The following KLHDC7B variants were observed in gnomAD, a reference collection of about 807,000 sequenced individuals.
The protein encoded by KLHDC7B is kelch domain containing 7B, also known as kelch domain-containing protein 7B.
A neutral mutation model predicts 0.6 loss-of-function variants in KLHDC7B; 1 was observed. The ratio of observed to expected loss-of-function variants is 1.71; its 90% confidence interval spans 0.61 to 8.11. The LOEUF is 8.11. KLHDC7B is among the 30% of genes most tolerant of loss of function. KLHDC7B has a pLI of 0.13. For missense variants in KLHDC7B, 993 were observed against 894.9 expected, an observed-to-expected ratio of 1.11 and a Z score of -1.40; for synonymous variants, 462 against 405.2, an observed-to-expected ratio of 1.14 and a Z score of -1.68.
Position 50,548,371 on chromosome 22 carries a change from G to A in KLHDC7B, c.2128G>A (p.Glu710Lys), listed in dbSNP as rs894538312. 6.4e-6 allele frequency: 10 copies of A among 1,551,584 alleles called. No individual in the cohort carries two copies. The highest frequency in any genetic ancestry group is 3.9e-5 in the Admixed American group (2 of 50,978). The change falls in exon 1 of 1, where the codon GAG (glutamate) becomes AAG (lysine). Residue 710 changes from glutamate (E) to lysine (K), a missense_variant. By Grantham distance (56) the Glu-to-Lys change is moderately conservative. Transcript: ENST00000648057. This position sits in a 1 kb window ranked among gnomAD's most constrained non-coding sequence, Gnocchi z 5.3. ...AGGTCAGCCACAGCCAAGAAGCTCC[G>A]AGACCAACGGATCGCCCAGCCCAGA... is the stretch of plus-strand genomic sequence containing the variant. ...AGGQPQPRSS[E>K]TNGSPSPDPP...
chr22:50,547,419 C>T lies in KLHDC7B; in HGVS notation c.1176C>T (p.Thr392=). 2.7e-6 allele frequency: 1 copy of T among 366,526 alleles called. No individual in the cohort carries two copies. Among genetic ancestry groups the T allele is most frequent in the Non-Finnish European group, 4.9e-6 (1 of 205,962 alleles). The allele number at this position is 366,526 out of a possible 1,614,324, so 22.7% of individuals were successfully genotyped here. ...GTCCTGCCGCTGACCTGGGGCCCAC[C>T]CGGCCCCCGGAGCAAGCAAAGCCGG... ...DNSPAADLGP[T]RPPEQAKPAA... is the part of the protein sequence containing the mutation. Residue 392 remains threonine (T), a synonymous_variant, in exon 1 of 1, where the codon ACC becomes ACT. Coordinates refer to ENST00000648057, the MANE Select transcript of KLHDC7B (RefSeq NM_138433.5).
chr22:50,546,382 G>T lies in KLHDC7B; in HGVS notation c.139G>T (p.Gly47Cys). Reference sequence around the variant, plus strand: ...CACAGCGCTGGCCTTACACTGGTTTGGCTCCGGGCACGATCAAGAGGCGGC... The same window carrying T: ...CACAGCGCTGGCCTTACACTGGTTTTGCTCCGGGCACGATCAAGAGGCGGC... ...AATALALHWFGSGHDQEAAEP... is the reference protein window; with the variant it reads ...AATALALHWFCSGHDQEAAEP... The change falls in exon 1 of 1, where the codon GGC becomes TGC. Residue 47 changes from glycine to cysteine, a missense_variant. Coordinates refer to ENST00000648057, the MANE Select transcript of KLHDC7B (RefSeq NM_138433.5). 2.5e-6 allele frequency: 1 copy of T among 399,314 alleles called. No individual in the cohort carries two copies. Among genetic ancestry groups the T allele is most frequent in the East Asian group, 3.6e-5 (1 of 28,058 alleles). The allele number at this position is 399,314 out of a possible 1,614,324, so 24.7% of individuals were successfully genotyped here.
Position 50,547,897 on chromosome 22 carries a change from A to G in KLHDC7B, c.1654A>G (p.Thr552Ala), listed in dbSNP as rs1345107184. 5 of 348,994 alleles carry G rather than the reference A, an allele frequency of 1.4e-5. No individual in the cohort carries two copies. Among genetic ancestry groups the G allele is most frequent in the Non-Finnish European group, 2.5e-5 (5 of 201,680 alleles). 21.6% of individuals were successfully genotyped at this position (348,994 alleles called of 1,614,324 possible). The change falls in exon 1 of 1, where the codon ACC becomes GCC. Residue 552 changes from threonine to alanine, a missense_variant. Transcript: ENST00000648057. ...ATCCCCAGCCCTAACCCCAGTCCCAACCCCAGCCCTAAGCCCAGCTCCAAC... is the reference window on the plus strand; with the variant it reads ...ATCCCCAGCCCTAACCCCAGTCCCAGCCCCAGCCCTAAGCCCAGCTCCAAC... ...PPSPALTPVP[T>A]PALSPAPTPA...
In KLHDC7B at chr22:50,548,968, C is replaced by G. The variant is rs754839751; in HGVS notation, c.2725C>G (p.Arg909Gly). ...CLYRRLSAAD[R>G]ERILSLRTGR... ...CTACCGCCGGCTGAGCGCGGCCGAC[C>G]GCGAGCGCATCCTCAGCCTGCGGAC... Residue 909 changes from arginine to glycine, a missense_variant, in exon 1 of 1, where the codon CGC (arginine) becomes GGC (glycine). Coordinates refer to ENST00000648057, the MANE Select transcript of KLHDC7B (RefSeq NM_138433.5). The surrounding 1 kb of genome is among the most constrained non-coding windows in gnomAD (Gnocchi z 5.3). 3 of 1,597,920 alleles carry G rather than the reference C, an allele frequency of 1.9e-6. No individual in the cohort carries two copies. Among genetic ancestry groups the G allele is most frequent in the South Asian group, 2.2e-5 (2 of 90,062 alleles).
In KLHDC7B at chr22:50,548,936, C is replaced by T. The variant is rs1258267197; in HGVS notation, c.2693C>T (p.Pro898Leu). Residue 898 changes from proline to leucine, a missense_variant, in exon 1 of 1, where the codon CCG becomes CTG. Transcript: ENST00000648057. The surrounding 1 kb of genome is among the most constrained non-coding windows in gnomAD (Gnocchi z 5.3). ...AACCTGCTGCGAGTGCTGGGAGACC[C>T]GTGCCTCTACCGCCGGCTGAGCGCG... ...SDNLLRVLGD[P>L]CLYRRLSAAD... The T allele has an allele frequency of 6.3e-7, 1 of 1,597,408 alleles. No homozygotes were observed. Among genetic ancestry groups the T allele is most frequent in the Non-Finnish European group, 8.5e-7 (1 of 1,173,518 alleles).
Position 50,550,073 on chromosome 22 carries a change from C to A in KLHDC7B, c.*122C>A. The A allele has an allele frequency of 9.5e-7, 1 of 1,050,134 alleles. No individual in the cohort carries two copies. The highest frequency in any genetic ancestry group is 1.3e-6 in the Non-Finnish European group (1 of 745,550). The allele number at this position is 1,050,134 out of a possible 1,614,324, so 65.1% of individuals were successfully genotyped here. A position where few individuals can be genotyped will look rare whatever the true frequency, so the allele number is the denominator to read the frequency against. On this transcript the variant is annotated 3_prime_UTR_variant, in exon 1 of 1. Transcript: ENST00000648057. ...GGAACTTCCTGCTCTTGTTTCTGGACAACTTTCCCCTTCTGCTTTAAAGGT... is the reference window on the plus strand; with the variant it reads ...GGAACTTCCTGCTCTTGTTTCTGGAAAACTTTCCCCTTCTGCTTTAAAGGT...
In KLHDC7B at chr22:50,548,204, G is replaced by A; in HGVS notation, c.1961G>A (p.Arg654Lys). ...AGCCACCCCTTCCCCAGGCAAGACA[G>A]GCCCCAAGGGAGTGTCCCGAGGGCG... Reference protein sequence around the residue: ...LRSHPFPRQDRPQGSVPRAVP... With the variant: ...LRSHPFPRQDKPQGSVPRAVP... Residue 654 changes from arginine to lysine, a missense_variant, in exon 1 of 1, where the codon AGG becomes AAG. Coordinates refer to ENST00000648057, the MANE Select transcript of KLHDC7B (RefSeq NM_138433.5). The surrounding 1 kb of genome is among the most constrained non-coding windows in gnomAD (Gnocchi z 5.3). The A allele has an allele frequency of 6.5e-7, 1 of 1,538,166 alleles. No individual in the cohort carries two copies. The highest frequency in any genetic ancestry group is 8.8e-7 in the Non-Finnish European group (1 of 1,137,736).
rs1293750226 is a variant in KLHDC7B at position 50,549,986 on chromosome 22, C to T, written c.*35C>T. Reference sequence around the variant, plus strand: ...AGAGAACCAAAGCTGCTTCGCTGCTCTCCAGGGAGACCCTCCTGGGATGGG... The same window carrying T: ...AGAGAACCAAAGCTGCTTCGCTGCTTTCCAGGGAGACCCTCCTGGGATGGG... On this transcript the variant is annotated 3_prime_UTR_variant, in exon 1 of 1. Coordinates refer to ENST00000648057, the MANE Select transcript of KLHDC7B (RefSeq NM_138433.5). The T allele has an allele frequency of 6.7e-7, 1 of 1,488,998 alleles. No individual in the cohort carries two copies. The highest frequency in any genetic ancestry group is 9.0e-7 in the Non-Finnish European group (1 of 1,110,964). 92.2% of individuals were successfully genotyped at this position (1,488,998 alleles called of 1,614,324 possible).
rs1217891245 is a variant in KLHDC7B, at chr22:50,548,145, C to T, written c.1902C>T (p.Ala634=). ...PRRYQEGQVS[A]SWGNLIAMVL... is the part of the protein sequence containing the mutation. ...GCTACCAGGAGGGGCAGGTCTCAGC[C>T]AGCTGGGGAAACCTTATTGCCATGG... Residue 634 remains alanine (A), a synonymous_variant, in exon 1 of 1, where the codon GCC becomes GCT. Transcript: ENST00000648057. This position sits in a 1 kb window ranked among gnomAD's most constrained non-coding sequence, Gnocchi z 5.3. 6.8e-7 allele frequency: 1 copy of T among 1,480,088 alleles called. No individual in the cohort carries two copies. The highest frequency in any genetic ancestry group is 9.0e-7 in the Non-Finnish European group (1 of 1,111,018). 91.7% of individuals were successfully genotyped at this position (1,480,088 alleles called of 1,614,324 possible). A position where few individuals can be genotyped will look rare whatever the true frequency, so the allele number is the denominator to read the frequency against.
chr22:50,548,309 T>C lies in KLHDC7B; in HGVS notation c.2066T>C (p.Val689Ala). 1 of 1,550,726 alleles carries C rather than the reference T, an allele frequency of 6.4e-7. No individual in the cohort carries two copies. Among genetic ancestry groups the C allele is most frequent in the Non-Finnish European group, 8.7e-7 (1 of 1,146,882 alleles). ...GGCCCCTCTTCTTCAGTGGGGACAG[T>C]CATAGGGACAGGTACAGGGGGCCTG... ...RHGPSSSVGT[V>A]IGTGTGGLVE... Residue 689 changes from valine to alanine, a missense_variant, in exon 1 of 1, where the codon GTC becomes GCC. Transcript: ENST00000648057. This position sits in a 1 kb window ranked among gnomAD's most constrained non-coding sequence, Gnocchi z 5.3.
In KLHDC7B at chr22:50,548,758, C is replaced by A; in HGVS notation, c.2515C>A (p.Pro839Thr). ...CGGGGGTTGGGGGGTGGTGGAGGGG[C>A]CCCGGAAGCCCAGCTCCCGGGCCCT... ...RPGGWGVVEG[P>T]RKPSSRALEP... is the part of the protein sequence containing the mutation. The change falls in exon 1 of 1, where the codon CCC (proline) becomes ACC (threonine). Residue 839 changes from proline (P) to threonine (T), a missense_variant. Coordinates refer to ENST00000648057, the MANE Select transcript of KLHDC7B (RefSeq NM_138433.5). This position sits in a 1 kb window ranked among gnomAD's most constrained non-coding sequence, Gnocchi z 5.3. The A allele has an allele frequency of 6.9e-7, 1 of 1,448,566 alleles. No individual in the cohort carries two copies. The highest frequency in any genetic ancestry group is 1.5e-5 in the South Asian group (1 of 68,474). 89.7% of individuals were successfully genotyped at this position (1,448,566 alleles called of 1,614,324 possible). A position where few individuals can be genotyped will look rare whatever the true frequency, so the allele number is the denominator to read the frequency against.
In KLHDC7B at chr22:50,549,306, T is replaced by G; in HGVS notation, c.3063T>G (p.Pro1021=). ...VCSNEVFCYN[P]LTNIWSQVRP... is the part of the protein sequence containing the mutation. ...CCAACGAGGTCTTCTGCTACAACCC[T>G]CTGACCAACATCTGGAGCCAGGTTC... The change falls in exon 1 of 1, where the codon CCT becomes CCG. Residue 1021 remains proline (P), a synonymous_variant. Coordinates refer to ENST00000648057, the MANE Select transcript of KLHDC7B (RefSeq NM_138433.5). The G allele has an allele frequency of 6.2e-7, 1 of 1,612,648 alleles. No individual in the cohort carries two copies. Among genetic ancestry groups the G allele is most frequent in the African/African-American group, 1.3e-5 (1 of 75,040 alleles).
Position 50,550,945 on chromosome 22 carries a change from C to A in KLHDC7B, c.*994C>A. ...CACTCCAACCTCCAGCCTGGATGTC[C>A]CTGTCTGGGCCCTTTTTCTGTTTTT... On this transcript the variant is annotated 3_prime_UTR_variant, in exon 1 of 1. Transcript: ENST00000648057. The A allele has an allele frequency of 3.2e-6, 1 of 311,324 alleles. No individual in the cohort carries two copies. Among genetic ancestry groups the A allele is most frequent in the Admixed American group, 4.3e-5 (1 of 23,132 alleles). 19.3% of individuals were successfully genotyped at this position (311,324 alleles called of 1,614,324 possible).
Position 50,546,166 on chromosome 22 carries a change from G to A in KLHDC7B, c.-78G>A, listed in dbSNP as rs905636695. Among the ~76,000 whole-genome samples, 26 of 152,230 alleles carry A rather than the reference G, an allele frequency of 1.7e-4. No individual in the cohort carries two copies. The highest frequency in any genetic ancestry group is 2.8e-4 in the Non-Finnish European group (19 of 68,038). ...TGGGCAGCCCTTGGGGCAGGCGCTG[G>A]CCGGTGCCTCAGCCCAGGCCTCTGT... is the stretch of plus-strand genomic sequence containing the variant. On this transcript the variant is annotated 5_prime_UTR_variant, in exon 1 of 1. Transcript: ENST00000648057.
Position 50,547,446 on chromosome 22 carries a change from T to C in KLHDC7B, c.1203T>C (p.Ala401=), listed in dbSNP as rs6009988. 86,723 of 370,964 alleles carry C rather than the reference T, an allele frequency of 0.23. 10,759 individuals carry two copies. Among genetic ancestry groups the C allele is most frequent in the African/African-American group, 0.34 (15,970 of 46,972 alleles). 23.0% of individuals were successfully genotyped at this position (370,964 alleles called of 1,614,324 possible). A position where few individuals can be genotyped will look rare whatever the true frequency, so the allele number is the denominator to read the frequency against. The part of the protein sequence containing the change: ...PTRPPEQAKP[A]AAGHSRAPSR... ...GGCCCCCGGAGCAAGCAAAGCCGGC[T>C]GCAGCCGGCCACAGCCGCGCGCCCT... is the stretch of plus-strand genomic sequence containing the variant. The change falls in exon 1 of 1, where the codon GCT becomes GCC. Residue 401 remains alanine (A), a synonymous_variant. Coordinates refer to ENST00000648057, the MANE Select transcript of KLHDC7B (RefSeq NM_138433.5).
Position 50,550,067 on chromosome 22 carries a change from T to C in KLHDC7B, c.*116T>C. On this transcript the variant is annotated 3_prime_UTR_variant, in exon 1 of 1. Coordinates refer to ENST00000648057, the MANE Select transcript of KLHDC7B (RefSeq NM_138433.5). ...GGGATCGGAACTTCCTGCTCTTGTT[T>C]CTGGACAACTTTCCCCTTCTGCTTT... The C allele has an allele frequency of 9.0e-7, 1 of 1,111,660 alleles. No homozygotes were observed. Among genetic ancestry groups the C allele is most frequent in the Non-Finnish European group, 1.2e-6 (1 of 801,300 alleles). The allele number at this position is 1,111,660 out of a possible 1,614,324, so 68.9% of individuals were successfully genotyped here.
chr22:50,550,873 G>A lies in KLHDC7B; in HGVS notation c.*922G>A, dbSNP rs1251037748. Reference sequence around the variant, plus strand: ...TCCATGATGCGTTTTCTCCCCTTACGCACTTTGAAACCCATGCTAGAAAAG... The same window carrying A: ...TCCATGATGCGTTTTCTCCCCTTACACACTTTGAAACCCATGCTAGAAAAG... On this transcript the variant is annotated 3_prime_UTR_variant, in exon 1 of 1. Coordinates refer to ENST00000648057, the MANE Select transcript of KLHDC7B (RefSeq NM_138433.5). 6 of 216,714 alleles carry A rather than the reference G, an allele frequency of 2.8e-5. No homozygotes were observed. Among genetic ancestry groups the A allele is most frequent in the Non-Finnish European group, 5.2e-5 (5 of 96,198 alleles). The allele number at this position is 216,714 out of a possible 1,614,324, so 13.4% of individuals were successfully genotyped here. A position where few individuals can be genotyped will look rare whatever the true frequency, so the allele number is the denominator to read the frequency against.
Position 50,550,069 on chromosome 22 carries a change from T to A in KLHDC7B, c.*118T>A. ...GATCGGAACTTCCTGCTCTTGTTTC[T>A]GGACAACTTTCCCCTTCTGCTTTAA... On this transcript the variant is annotated 3_prime_UTR_variant, in exon 1 of 1. Coordinates refer to ENST00000648057, the MANE Select transcript of KLHDC7B (RefSeq NM_138433.5). 2 of 1,103,438 alleles carry A rather than the reference T, an allele frequency of 1.8e-6. No homozygotes were observed. The highest frequency in any genetic ancestry group is 2.5e-6 in the Non-Finnish European group (2 of 793,770). 68.4% of individuals were successfully genotyped at this position (1,103,438 alleles called of 1,614,324 possible).
chr22:50,549,554 T>TGCTCA lies in KLHDC7B; in HGVS notation c.1390_1394dup (p.Arg465SerfsTer7). The TGCTCA allele has an allele frequency of 1.3e-6, 2 of 1,598,568 alleles. No individual in the cohort carries two copies. The highest frequency in any genetic ancestry group is 1.7e-6 in the Non-Finnish European group (2 of 1,170,644). ...ACCGGGGGTCACCTCTTCTACCGCCTGCTCAGGTACAGCCCCGTGAAGGAT... is the reference window on the plus strand; with the variant it reads ...ACCGGGGGTCACCTCTTCTACCGCCTGCTCAGCTCAGGTACAGCCCCGTGAAGGAT... On this transcript the variant is annotated frameshift_variant, in exon 1 of 1. Transcript: ENST00000395676. LOFTEE classifies it low-confidence loss of function (END_TRUNC).
Sources: allele counts gnomAD v4.1 joint callset (sites outside exome capture counted in the v4.1 genomes callset), GRCh38; gene constraint gnomAD v4.1.1; non-coding constraint Gnocchi (gnomAD v3.1); transcripts MANE v1.5; gene names NCBI Gene and HGNC (gene_info 2026-07-23, HGNC 2026-07-21).